Variants in KDM5C observed in about 807,000 individuals in gnomAD.
The protein encoded by KDM5C is lysine demethylase 5C.
Under a neutral mutation model 110.6 loss-of-function variants are expected in KDM5C, and 16 were observed. That is an observed-to-expected ratio of 0.14 (90% confidence interval 0.10 to 0.22). The LOEUF (loss-of-function observed/expected upper bound fraction) is 0.22. KDM5C is among the 10% of genes least tolerant of loss of function. The pLI is 1.00. For missense variants in KDM5C, 681 were observed against 1,300.9 expected (o/e 0.52, Z 7.33); for synonymous variants, 511 against 520.4 (o/e 0.98, Z 0.24).
chrX:53,194,269 G>A lies in KDM5C; in HGVS notation c.3908C>T (p.Ala1303Val). ...RQALASEDVT[A>V]LLGRLAELRQ... is the part of the protein sequence containing the mutation. ...GAGCTCAGCCAGCCGTCCCAAAAGA[G>A]CAGTCACATCTTCAGAGGCCAGAGC... is the stretch of plus-strand genomic sequence containing the variant. The change falls in exon 23 of 26, where the codon GCT becomes GTT. Residue 1303 changes from alanine (A) to valine (V), a missense_variant. Physicochemically the swap from Ala to Val is moderately conservative, Grantham distance 64 (BLOSUM62 0). Transcript: ENST00000375401. 8.2e-7 allele frequency: 1 copy of A among 1,212,380 alleles called. No individual in the cohort carries two copies. The highest frequency in any genetic ancestry group is 3.0e-5 in the East Asian group (1 of 33,834).
At position 53,184,535 on chromosome X, in the gene KDM5C, C is replaced by G. The variant is rs184073649; in HGVS notation, c.4309-7913G>C. Among the ~76,000 whole-genome samples, 679 of 111,981 alleles carry G rather than the reference C, an allele frequency of 6.1e-3. 5 individuals are homozygous for G. Among genetic ancestry groups the G allele is most frequent in the South Asian group, 0.012 (32 of 2,700 alleles). On this transcript the variant is annotated intron_variant, in intron 25 of 25. Coordinates refer to the KDM5C transcript ENST00000685641. ...GGGATCATAAGTGTTGGCTACCACA[C>G]CCAGCCTGAAATGCCTTTTCTGCAT... is the stretch of plus-strand genomic sequence containing the variant.
At chrX:53,196,326 C>T (rs782072210) in intron 19 of KDM5C, among the ~76,000 whole-genome samples, 47 of 112,400 alleles carry the variant, frequency 4.2e-4, no homozygotes, top group Non-Finnish European at 8.3e-4. Flanking sequence ...ACATATACAA[C>T]CTGTATTGTG....
chrX:53,208,416 C>CATAT lies in KDM5C; in HGVS notation c.1746+1994_1746+1997dup, dbSNP rs66504974. Among the ~76,000 whole-genome samples, 23 of 85,356 alleles carry CATAT rather than the reference C, an allele frequency of 2.7e-4. No homozygotes were observed. The East Asian group carries it at 3.1e-3, about 11-fold the overall frequency. 74.1% of individuals were successfully genotyped at this position (85,356 alleles called of 115,157 possible). A position where few individuals can be genotyped will look rare whatever the true frequency, so the allele number is the denominator to read the frequency against. Reference sequence around the variant, plus strand: ...GTATATATACATATATATACACATACATATATATATATATATATATATATA... The same window carrying CATAT: ...GTATATATACATATATATACACATACATATATATATATATATATATATATATATA... On this transcript the variant is annotated intron_variant, in intron 12 of 25. Coordinates refer to ENST00000375401, the MANE Select transcript of KDM5C (RefSeq NM_004187.5).
chrX:53,194,643 C>G lies in KDM5C; in HGVS notation c.3534G>C (p.Ser1178=), dbSNP rs782433401. The G allele has an allele frequency of 1.7e-6, 2 of 1,210,289 alleles. No individual in the cohort carries two copies. The highest frequency in any genetic ancestry group is 3.5e-5 in the African/African-American group (2 of 57,257). The change falls in exon 23 of 26, where the codon TCG becomes TCC. Residue 1178 remains serine (S), a synonymous_variant. Coordinates refer to ENST00000375401, the MANE Select transcript of KDM5C (RefSeq NM_004187.5). ...TAGAGGTTGTAGAGGAGGCCGTGCT[C>G]GATGATGCCAGTGGACTGGGCTTGG... The part of the protein sequence containing the change: ...NSAKPSPLAS[S]STASSTTSIC...
At chrX:53,201,004 C>T (rs1178852722) in intron 14 of KDM5C, among the ~76,000 whole-genome samples, 1 of 112,794 alleles carries the variant, frequency 8.9e-6, no homozygotes, top group Non-Finnish European at 1.9e-5. Context: ...TCAGTTTCTT[C>T]ATGTATTAAC....
intron 12 of KDM5C, among the ~76,000 whole-genome samples, chrX:53,208,496 ATCCTTTTTTT>A (rs1290885551): frequency 9.5e-5 from 8 of 84,152 alleles, no homozygotes; most frequent in Non-Finnish European, 1.8e-4. Context: ...CCTTCAGAGA[ATCCTTTTTTT>A]TTTTTTTTTT....
chrX:53,196,313 C>A (rs973898419), intron 19 of KDM5C, among the ~76,000 whole-genome samples: 8 of 112,312 alleles, frequency 7.1e-5, no homozygotes, highest in African/African-American at 2.6e-4. Flanking sequence ...GCTAGCAATG[C>A]CTACATATAC....
intron 19 of KDM5C, among the ~76,000 whole-genome samples, chrX:53,196,274 CCT>C (rs1193311062): frequency 1.8e-5 from 2 of 112,420 alleles, no homozygotes; most frequent in Non-Finnish European, 3.8e-5. Context: ...AGCTCTTGCA[CCT>C]CTGTTTGTCT....
At chrX:53,202,824 T>TC (rs2073186395) in intron 12 of KDM5C, 1 of 110,218 alleles carries the variant, frequency 9.1e-6, no homozygotes, top group Admixed American at 9.6e-5. Context: ...AAAATCCTTT[T>TC]TTTTTTTTTT....
Position 53,201,801 on chromosome X carries a change from T to G in KDM5C, c.1866+53A>C, listed in dbSNP as rs1052737355. The G allele has an allele frequency of 4.3e-5, 52 of 1,209,551 alleles. 1 individual carries two copies. Among genetic ancestry groups the G allele is most frequent in the Non-Finnish European group, 5.6e-6 (5 of 894,687 alleles). On this transcript the variant is annotated intron_variant, in intron 13 of 25. Coordinates refer to ENST00000375401, the MANE Select transcript of KDM5C (RefSeq NM_004187.5). ...AGTCTGGAGGCCATGATGCCCCAGC[T>G]TCTCTACAACCCTCCTGCTTCTCCC...
chrX:53,200,223 C>T (rs1451560483), intron 14 of KDM5C, among the ~76,000 whole-genome samples: 2 of 111,716 alleles, frequency 1.8e-5, no homozygotes, highest in African/African-American at 6.5e-5. Context: ...ACTTGCCAAA[C>T]TGAGTTAATT....
Position 53,224,999 on chromosome X carries a change from CG to C in KDM5C, c.-111del. 1.0e-6 allele frequency: 1 copy of C among 967,879 alleles called. No homozygotes were observed. Among genetic ancestry groups the C allele is most frequent in the Non-Finnish European group, 1.4e-6 (1 of 735,920 alleles). 79.8% of individuals were successfully genotyped at this position (967,879 alleles called of 1,213,427 possible). On this transcript the variant is annotated 5_prime_UTR_variant, in exon 1 of 26. Transcript: ENST00000375401. ...CAATGCTCGGAGGCTAGGCCCTAAG[CG>C]GGGCAGCCGCCGCCCGCCGAGGGCC...
chrX:53,211,760 A>G (rs782232091), intron 9 of KDM5C, 27 bp downstream of exon 9: 95 of 1,209,566 alleles, frequency 7.9e-5, no homozygotes, highest in Admixed American at 1.3e-4. Flanking sequence ...TCCTAGCCCA[A>G]CACTACCTCA....
Position 53,193,518 on chromosome X carries a change from G to A in KDM5C, c.4236C>T (p.Thr1412=). Residue 1412 remains threonine, a synonymous_variant, in exon 25 of 26, where the codon ACC becomes ACT. Transcript: ENST00000375401. The stretch of plus-strand genomic sequence containing the variant: ...GCCATATGCTGTGGTTCTCATCCAG[G>A]GTCACCTCGAGCAGGTCCCCCTCCA... The part of the protein sequence containing the change: ...LMMEGDLLEV[T]LDENHSIWQL... 2 of 1,211,784 alleles carry A rather than the reference G, an allele frequency of 1.7e-6. No individual in the cohort carries two copies. Among genetic ancestry groups the A allele is most frequent in the Non-Finnish European group, 2.2e-6 (2 of 895,482 alleles).
chrX:53,221,787 T>G, intron 1 of KDM5C: 1 of 946,004 alleles, frequency 1.1e-6, no homozygotes, highest in Non-Finnish European at 1.4e-6. Flanking sequence ...AGTGCTGGGA[T>G]GCCTGACTGT....
At chrX:53,207,968 C>CAA (rs781945536) in intron 12 of KDM5C, among the ~76,000 whole-genome samples, 329 of 30,256 alleles carry the variant, frequency 0.011, 5 homozygotes, top group African/African-American at 0.037. Context: ...GACTCTGTCT[C>CAA]AAAAAAAAAA....
rs782119238 is a variant in KDM5C at position 53,193,132 on chromosome X, G to C, written c.4518C>G (p.Gly1506=). 15 of 1,207,409 alleles carry C rather than the reference G, an allele frequency of 1.2e-5. No homozygotes were observed. Among genetic ancestry groups the C allele is most frequent in the Middle Eastern group, 2.3e-4 (1 of 4,337 alleles). ...CAGTGGTGGGGATGGGTGCAGGGGG[G>C]CCCTCACCCCCAGTCTCCTCCTCCA... ...EELEEETGGE[G]PPAPIPTTGS... Residue 1506 remains glycine, a synonymous_variant, in exon 26 of 26, where the codon GGC becomes GGG. Transcript: ENST00000375401.
intron 25 of KDM5C, among the ~76,000 whole-genome samples, chrX:53,185,125 T>A (rs1934180958): frequency 8.9e-6 from 1 of 112,422 alleles, no homozygotes; most frequent in Non-Finnish European, 1.9e-5. Flanking sequence ...AGAGACTAGC[T>A]AAGTGGTCAT....
intron 2 of KDM5C, 148 bp downstream of exon 2, chrX:53,220,691 G>A: frequency 3.7e-6 from 2 of 537,810 alleles, no homozygotes; most frequent in Non-Finnish European, 6.6e-6. Context: ...TCCACGCCCT[G>A]GGCACACTAA....
Sources: allele counts gnomAD v4.1 joint callset (sites outside exome capture counted in the v4.1 genomes callset), GRCh38; gene constraint gnomAD v4.1.1; transcripts MANE v1.5; gene names NCBI Gene and HGNC (gene_info 2026-07-23, HGNC 2026-07-21).